Variants in AKT3 observed in about 807,000 individuals in gnomAD.
AKT3 encodes RAC-gamma serine/threonine-protein kinase.
AKT3 carries 15 observed loss-of-function variants against 65.3 expected under a neutral mutation model. The observed-to-expected ratio is 0.23, with a 90% CI of 0.15 to 0.35. The LOEUF is 0.35. AKT3 is among the 10% of genes least tolerant of loss of function. AKT3 has a pLI of 1.00. For missense variants in AKT3, 243 were observed against 576.5 expected, an observed-to-expected ratio of 0.42 and a Z score of 5.92; for synonymous variants, 206 against 183.8, an observed-to-expected ratio of 1.12 and a Z score of -0.98.
chr1:243,495,450 G>C (rs1387812360), downstream of AKT3, among the ~76,000 whole-genome samples: 4 of 152,236 alleles, frequency 2.6e-5, no homozygotes, highest in Non-Finnish European at 1.5e-5. Context: ...CTGCGGTGTG[G>C]AGGCTGTTAT....
At chr1:243,547,647 C>T (rs1222917308) in intron 11 of AKT3, among the ~76,000 whole-genome samples, 2 of 152,008 alleles carry the variant, frequency 1.3e-5, no homozygotes, top group African/African-American at 4.8e-5. Flanking sequence ...ATCATAAAGT[C>T]AAAAAATTGT....
chr1:243,773,739 A>G (rs376722122), intron 2 of AKT3, among the ~76,000 whole-genome samples: 6 of 152,242 alleles, frequency 3.9e-5, no homozygotes, highest in East Asian at 3.8e-4. Context: ...ACACTAGCAT[A>G]TAAGCATTTA....
intron 2 of AKT3, among the ~76,000 whole-genome samples, chr1:243,795,952 T>C (rs1034460120): frequency 2.0e-5 from 3 of 152,208 alleles, no homozygotes; most frequent in African/African-American, 7.2e-5. Context: ...CCTGTCAGTG[T>C]ACACAGATTT....
At chr1:243,834,344 T>C (rs531676325) in intron 2 of AKT3, among the ~76,000 whole-genome samples, 1 of 152,284 alleles carries the variant, frequency 6.6e-6, no homozygotes, top group Admixed American at 6.5e-5. Context: ...AATGAGATCA[T>C]GTCCTTTGCA....
chr1:243,762,524 C>A (rs1329899013), intron 2 of AKT3, among the ~76,000 whole-genome samples: 1 of 152,060 alleles, frequency 6.6e-6, no homozygotes, highest in African/African-American at 2.4e-5. Flanking sequence ...GGACTGTTTT[C>A]CGTACTATTA....
At chr1:243,747,624 A>G (rs2148197430) in intron 2 of AKT3, among the ~76,000 whole-genome samples, 1 of 152,340 alleles carries the variant, frequency 6.6e-6, no homozygotes, top group East Asian at 1.9e-4. Context: ...AAAGGGAGAT[A>G]TCTTCAATGA....
intron 2 of AKT3, among the ~76,000 whole-genome samples, chr1:243,744,694 G>T (rs1022962882): frequency 6.8e-6 from 1 of 146,372 alleles, no homozygotes; most frequent in Non-Finnish European, 1.5e-5. Flanking sequence ...AGCCGAGATC[G>T]CGCCCCTGCA....
At chr1:243,708,202 A>C (rs1466743949) in intron 2 of AKT3, among the ~76,000 whole-genome samples, 1 of 152,076 alleles carries the variant, frequency 6.6e-6, no homozygotes. Context: ...AACATGTTTA[A>C]ATGATATCGT....
chr1:243,653,630 T>C lies in AKT3; in HGVS notation c.285-7593A>G, dbSNP rs142960140. On this transcript the variant is annotated intron_variant, in intron 4 of 13. Coordinates refer to ENST00000673466, the MANE Select transcript of AKT3 (RefSeq NM_005465.7). ...CTAGGTATATCAAGGTGGTTGACAA[T>C]GTTATTCTATGCCTTAGCTAGTTTT... Among the ~76,000 whole-genome samples the C allele has an allele frequency of 1.2e-3, 187 of 152,312 alleles. 1 individual carries two copies. Among genetic ancestry groups the C allele is most frequent in the African/African-American group, 4.4e-3 (181 of 41,586 alleles).
chr1:243,645,868 C>A, intron 5 of AKT3, 25 bp downstream of exon 5: 2 of 1,579,968 alleles, frequency 1.3e-6, no homozygotes, highest in Non-Finnish European at 1.7e-6. Context: ...GAATGCTGTG[C>A]TGGGAATAAG....
intron 8 of AKT3, among the ~76,000 whole-genome samples, chr1:243,573,252 A>G (rs1162925942): frequency 6.6e-6 from 1 of 152,128 alleles, no homozygotes; most frequent in Non-Finnish European, 1.5e-5. Context: ...CAGCGTTTTA[A>G]TCAATATACC....
intron 8 of AKT3, among the ~76,000 whole-genome samples, chr1:243,607,399 A>G (rs1677508195): frequency 6.6e-6 from 1 of 152,212 alleles, no homozygotes; most frequent in Non-Finnish European, 1.5e-5. Flanking sequence ...GAGTTAAAGG[A>G]GATCATTTTG....
At chr1:243,530,248 A>G (rs1329229100) in intron 12 of AKT3, among the ~76,000 whole-genome samples, 2 of 152,146 alleles carry the variant, frequency 1.3e-5, no homozygotes, top group East Asian at 3.8e-4. Flanking sequence ...TTAGGTATAT[A>G]GAACCATACT....
At chr1:243,617,780 G>C (rs1256529545) in intron 6 of AKT3, among the ~76,000 whole-genome samples, 1 of 152,040 alleles carries the variant, frequency 6.6e-6, no homozygotes, top group Non-Finnish European at 1.5e-5. Context: ...ATAACCCCAA[G>C]AGAGAAGTGA....
At chr1:243,787,668 T>C (rs1393204532) in intron 2 of AKT3, among the ~76,000 whole-genome samples, 3 of 152,206 alleles carry the variant, frequency 2.0e-5, no homozygotes, top group South Asian at 2.1e-4. Context: ...TACATACTTA[T>C]CTACTATATA....
downstream of AKT3, among the ~76,000 whole-genome samples, chr1:243,495,673 TGTAGAGGA>T (rs1359306891): frequency 6.6e-6 from 1 of 152,174 alleles, no homozygotes. Context: ...CCCTCGGCTC[TGTAGAGGA>T]GTGCTCCCTT....
chr1:243,524,395 C>T (rs1273228591), intron 12 of AKT3, among the ~76,000 whole-genome samples: 1 of 152,198 alleles, frequency 6.6e-6, no homozygotes, highest in Non-Finnish European at 1.5e-5. Flanking sequence ...ACCATGCATG[C>T]ACAGGGAAGC....
chr1:243,617,126 G>GTTCA (rs1476290981), intron 6 of AKT3, among the ~76,000 whole-genome samples: 12 of 152,010 alleles, frequency 7.9e-5, no homozygotes, highest in African/African-American at 2.7e-4. Flanking sequence ...GTGTGCAAGA[G>GTTCA]TTCATTCATC....
chr1:243,795,450 TTTTTTTTTTTTG>T (rs1344836042), intron 2 of AKT3, among the ~76,000 whole-genome samples: 11 of 109,988 alleles, frequency 1.0e-4, no homozygotes, highest in African/African-American at 4.5e-4. Context: ...GATCTCCTTG[TTTTTTTTTTTTG>T]TTTTTTTTTT....
Sources: allele counts gnomAD v4.1 joint callset (sites outside exome capture counted in the v4.1 genomes callset), GRCh38; gene constraint gnomAD v4.1.1; transcripts MANE v1.5; gene names NCBI Gene and HGNC (gene_info 2026-07-23, HGNC 2026-07-21).